KCNC3: variants seen among roughly 807,000 people sequenced by gnomAD.
KCNC3 encodes the protein potassium voltage-gated channel subfamily C member 3, also known as voltage-gated potassium channel KCNC3.
KCNC3 carries 22 observed loss-of-function variants against 43.9 expected under a neutral mutation model. The observed-to-expected ratio is 0.50, with a 90% CI of 0.36 to 0.72. The LOEUF (loss-of-function observed/expected upper bound fraction) is 0.72. KCNC3 is among the 30% of genes least tolerant of loss of function. The pLI is 0.00. For synonymous variants in KCNC3, 492 were observed against 488.0 expected (o/e 1.01, Z -0.11); for missense variants, 829 against 1,073.8 (o/e 0.77, Z 3.19).
chr19:50,321,615 C>T (rs972554948), intron 2 of KCNC3, among the ~76,000 whole-genome samples: 1 of 151,938 alleles, frequency 6.6e-6, no homozygotes, highest in African/African-American at 2.4e-5. Flanking sequence ...ACTAAAAATA[C>T]AAAAATTAGC....
chr19:50,328,957 C>G lies in KCNC3; in HGVS notation c.126G>C (p.Gln42His), dbSNP rs1601103089. 2 of 891,604 alleles carry G rather than the reference C, an allele frequency of 2.2e-6. No homozygotes were observed. The highest frequency in any genetic ancestry group is 2.8e-6 in the Non-Finnish European group (2 of 719,738). The allele number at this position is 891,604 out of a possible 1,614,324, so 55.2% of individuals were successfully genotyped here. A position where few individuals can be genotyped will look rare whatever the true frequency, so the allele number is the denominator to read the frequency against. The change falls in exon 1 of 5, where the codon CAG becomes CAC. Residue 42 changes from glutamine (Q) to histidine (H), a missense_variant. Coordinates refer to ENST00000477616, the MANE Select transcript of KCNC3 (RefSeq NM_004977.3). Reference protein sequence around the residue: ...PPPPLPPQQQQPAQPGPAASP... With the variant: ...PPPPLPPQQQHPAQPGPAASP... Reference sequence around the variant, plus strand: ...ACGCGGCGGGGCCGGGCTGCGCAGGCTGCTGCTGCTGCGGCGGCAGCGGTG... The same window carrying G: ...ACGCGGCGGGGCCGGGCTGCGCAGGGTGCTGCTGCTGCGGCGGCAGCGGTG...
At chr19:50,321,194 A>C (rs2037029914) in intron 2 of KCNC3, among the ~76,000 whole-genome samples, 1 of 151,996 alleles carries the variant, frequency 6.6e-6, no homozygotes, top group Non-Finnish European at 1.5e-5. Context: ...GGAGCTGGCC[A>C]CATTGGCTCA....
Position 50,329,190 on chromosome 19 carries a change from A to T in KCNC3, c.-108T>A. The T allele has an allele frequency of 1.3e-5, 1 of 79,134 alleles. No homozygotes were observed. Among genetic ancestry groups the T allele is most frequent in the Non-Finnish European group, 2.1e-5 (1 of 47,134 alleles). 4.9% of individuals were successfully genotyped at this position (79,134 alleles called of 1,614,324 possible). A position where few individuals can be genotyped will look rare whatever the true frequency, so the allele number is the denominator to read the frequency against. Reference sequence around the variant, plus strand: ...GAGCGAGGTAGCGGGGGCGTGGCTTAGGGGAGAGGAACCAAACTGATTGGC... The same window carrying T: ...GAGCGAGGTAGCGGGGGCGTGGCTTTGGGGAGAGGAACCAAACTGATTGGC... On this transcript the variant is annotated 5_prime_UTR_variant, in exon 1 of 5. Transcript: ENST00000477616.
chr19:50,315,091 G>T lies in KCNC3; in HGVS notation c.*1024C>A. 1 of 193,726 alleles carries T rather than the reference G, an allele frequency of 5.2e-6. No homozygotes were observed. Among genetic ancestry groups the T allele is most frequent in the Non-Finnish European group, 1.1e-5 (1 of 92,758 alleles). 12.0% of individuals were successfully genotyped at this position (193,726 alleles called of 1,614,324 possible). On this transcript the variant is annotated 3_prime_UTR_variant, in exon 5 of 5. Transcript: ENST00000477616. ...CCCAAGGCAGGGAGAAAGAGACAGA[G>T]AGAGAAAGAAATGGAAGGGGAGGAC... is the stretch of plus-strand genomic sequence containing the variant.
rs11880091 is a variant in KCNC3 at position 50,324,549 on chromosome 19, C to T, written c.871-467G>A. Among the ~76,000 whole-genome samples the T allele has an allele frequency of 0.015, 2,344 of 151,924 alleles. 27 individuals carry two copies. Among genetic ancestry groups the T allele is most frequent in the African/African-American group, 0.026 (1,076 of 41,422 alleles). ...GCTGGGCAGACGGGAAGGGAGAAGG[C>T]GGGCAGGGAGGCAGAATCGTGAGGT... On this transcript the variant is annotated intron_variant, in intron 1 of 4. Transcript: ENST00000477616. This position sits in a 1 kb window ranked among gnomAD's most constrained non-coding sequence, Gnocchi z 4.1.
upstream of KCNC3, among the ~76,000 whole-genome samples, chr19:50,331,333 CCT>C (rs941734707): frequency 2.8e-5 from 4 of 140,358 alleles, no homozygotes; most frequent in Non-Finnish European, 6.0e-5. Context: ...CAGGGGTGTG[CCT>C]CTCTGTCTGG....
At chr19:50,320,905 GAAGTGGAGATTC>G in intron 2 of KCNC3, 121 bp from the exon 3 acceptor site, 2 of 949,592 alleles carry the variant, frequency 2.1e-6, no homozygotes, top group Non-Finnish European at 3.2e-6. Flanking sequence ...TTTGGCACTG[GAAGTGGAGATTC>G]AAGGGCAGGG....
upstream of KCNC3, among the ~76,000 whole-genome samples, chr19:50,330,000 C>A (rs1276207757): frequency 6.6e-6 from 1 of 152,166 alleles, no homozygotes; most frequent in African/African-American, 2.4e-5. Context: ...GGCGCAGTGG[C>A]TCACGCCTGT....
At position 50,323,021 on chromosome 19, in the gene KCNC3, C is replaced by A; in HGVS notation, c.1932G>T (p.Glu644Asp). The A allele has an allele frequency of 6.5e-7, 1 of 1,546,948 alleles. No individual in the cohort carries two copies. Among genetic ancestry groups the A allele is most frequent in the African/African-American group, 1.4e-5 (1 of 73,132 alleles). Residue 644 changes from glutamate to aspartate, a missense_variant, in exon 2 of 5, where the codon GAG (glutamate) becomes GAT (aspartate). Glu to Asp is a conservative substitution (Grantham distance 45). This residue lies in a region of KCNC3 where 308 missense variants were observed against 276.2 expected (regional missense o/e 1.11). Transcript: ENST00000477616. ...CCTCCTCCTGAGCCAACGGGCAAGG[C>A]TCGCCGGGGGCTGGCAGAGGAGGCA... The part of the protein sequence containing the change: ...MGLPPLPAPG[E>D]PCPLAQEEVI...
chr19:50,329,228 G>A lies in KCNC3; in HGVS notation c.-146C>T. The A allele has an allele frequency of 3.7e-6, 1 of 269,636 alleles. No homozygotes were observed. Among genetic ancestry groups the A allele is most frequent in the Non-Finnish European group, 7.0e-6 (1 of 142,878 alleles). 16.7% of individuals were successfully genotyped at this position (269,636 alleles called of 1,614,324 possible). A position where few individuals can be genotyped will look rare whatever the true frequency, so the allele number is the denominator to read the frequency against. On this transcript the variant is annotated 5_prime_UTR_variant, in exon 1 of 5. Transcript: ENST00000477616. ...CAAACTGATTGGCCTGGGGGAGGTGGGGCGGGGCTGTGGCTGGGAGGAGTG... is the reference window on the plus strand; with the variant it reads ...CAAACTGATTGGCCTGGGGGAGGTGAGGCGGGGCTGTGGCTGGGAGGAGTG...
rs748358851 is a variant in KCNC3 at position 50,323,447 on chromosome 19, C to G, written c.1506G>C (p.Thr502=). ...IGFWWAVVTM[T]TLGYGDMYPK... is the part of the protein sequence containing the mutation. ...GGTACATGTCTCCATAGCCCAGGGTCGTCATGGTGACCACAGCCCACCAGA... is the reference window on the plus strand; with the variant it reads ...GGTACATGTCTCCATAGCCCAGGGTGGTCATGGTGACCACAGCCCACCAGA... Residue 502 remains threonine (T), a synonymous_variant, in exon 2 of 5, where the codon ACG becomes ACC. Coordinates refer to ENST00000477616, the MANE Select transcript of KCNC3 (RefSeq NM_004977.3). The G allele has an allele frequency of 1.2e-6, 2 of 1,614,088 alleles. No individual in the cohort carries two copies. The highest frequency in any genetic ancestry group is 1.3e-5 in the African/African-American group (1 of 74,932).
intron 4 of KCNC3, among the ~76,000 whole-genome samples, chr19:50,316,723 G>A (rs929709086): frequency 4.6e-5 from 7 of 152,028 alleles, no homozygotes; most frequent in Admixed American, 1.3e-4. Flanking sequence ...GCGACAGAGC[G>A]AGACCCCATT....
intron 4 of KCNC3, among the ~76,000 whole-genome samples, chr19:50,316,403 G>C (rs1425832120): frequency 6.6e-6 from 1 of 151,976 alleles, no homozygotes. Flanking sequence ...TGGAGGACAA[G>C]CCTGGAGGAA....
intron 1 of KCNC3, among the ~76,000 whole-genome samples, 185 bp downstream of exon 1, chr19:50,328,028 G>C (rs181194017): frequency 1.3e-5 from 2 of 151,274 alleles, no homozygotes; most frequent in African/African-American, 4.9e-5. Flanking sequence ...GGAGGATCTG[G>C]GGGATGGCTG....
Position 50,315,927 on chromosome 19 carries a change from G to C in KCNC3, c.*188C>G, listed in dbSNP as rs1485869254. The C allele has an allele frequency of 2.9e-6, 1 of 348,930 alleles. No individual in the cohort carries two copies. The highest frequency in any genetic ancestry group is 1.5e-4 in the South Asian group (1 of 6,514). 21.6% of individuals were successfully genotyped at this position (348,930 alleles called of 1,614,324 possible). On this transcript the variant is annotated 3_prime_UTR_variant, in exon 5 of 5. Transcript: ENST00000477616. ...GGCTTTTCCAGGCAACGCTAAGGGA[G>C]CTGTCTGGACAAAAGGTGTCTTGAT...
chr19:50,321,722 A>T (rs2037036390), intron 2 of KCNC3, among the ~76,000 whole-genome samples: 1 of 151,954 alleles, frequency 6.6e-6, no homozygotes, highest in Admixed American at 6.6e-5. Flanking sequence ...GTGAGCCAAG[A>T]TGTTTCCACT....
chr19:50,324,408 T>C lies in KCNC3; in HGVS notation c.871-326A>G, dbSNP rs1398359289. 6.6e-6 allele frequency among the ~76,000 whole-genome samples: 1 copy of C among 152,168 alleles called. No individual in the cohort carries two copies. Among genetic ancestry groups the C allele is most frequent in the Non-Finnish European group, 1.5e-5 (1 of 68,032 alleles). The stretch of plus-strand genomic sequence containing the variant: ...CACCTCCCCCCACCCTCCTGTTCCC[T>C]GTGTCCTATTTCAGGGCCCCCCAGC... On this transcript the variant is annotated intron_variant, in intron 1 of 4. Coordinates refer to ENST00000477616, the MANE Select transcript of KCNC3 (RefSeq NM_004977.3). This position sits in a 1 kb window ranked among gnomAD's most constrained non-coding sequence, Gnocchi z 4.1.
At chr19:50,332,483 A>T (rs985985594), upstream of KCNC3, among the ~76,000 whole-genome samples, 9 of 152,134 alleles carry the variant, frequency 5.9e-5, no homozygotes, top group African/African-American at 9.7e-5. The surrounding 1 kb of genome is among the most constrained non-coding windows in gnomAD (Gnocchi z 5.8). Flanking sequence ...TGGTCCGTCC[A>T]CATTCCATCA....
At position 50,328,300 on chromosome 19, in the gene KCNC3, C is replaced by G; in HGVS notation, c.783G>C (p.Ala261=). ...GCCACCATGTGCCGCCCGCGCCGCC[C>G]GCGCCCCCTGGCGGCCCCCCGGCGC... ...GGGAGGPPGG[A]GGAGGTWWRR... The change falls in exon 1 of 5, where the codon GCG becomes GCC. Residue 261 remains alanine (A), a synonymous_variant. Transcript: ENST00000477616. 1.7e-6 allele frequency: 2 copies of G among 1,156,636 alleles called. No homozygotes were observed. The highest frequency in any genetic ancestry group is 2.1e-6 in the Non-Finnish European group (2 of 943,618). The allele number at this position is 1,156,636 out of a possible 1,614,324, so 71.6% of individuals were successfully genotyped here.
Sources: gnomAD v4.1 joint callset for allele counts (sites outside exome capture counted in the v4.1 genomes callset) on GRCh38, gnomAD v4.1.1 for gene constraint, gnomAD v4.1.1 regional missense constraint, Gnocchi (gnomAD v3.1) non-coding constraint, MANE v1.5 for transcripts, NCBI Gene and HGNC (gene_info 2026-07-23, HGNC 2026-07-21) for gene names.